ELAVL4: variants seen among roughly 807,000 people sequenced by gnomAD.
ELAVL4 encodes ELAV like RNA binding protein 4, also known as ELAV-like protein 4.
A neutral mutation model predicts 35.6 loss-of-function variants in ELAVL4; 1 was observed. The observed-to-expected ratio is 0.03, with a 90% confidence interval of 0.01 to 0.13. The LOEUF (loss-of-function observed/expected upper bound fraction) is 0.13. Among genes scored for constraint, ELAVL4 ranks in the 10% least tolerant of loss-of-function variants. The pLI, the probability that ELAVL4 is intolerant of heterozygous loss-of-function variation, is 1.00. For missense variants in ELAVL4, 267 were observed against 464.9 expected (o/e 0.57, Z 3.91); for synonymous variants, 156 against 171.0 (o/e 0.91, Z 0.69).
At chr1:50,190,315 A>T (rs75455984) in intron 3 of ELAVL4, among the ~76,000 whole-genome samples, 2 of 152,220 alleles carry the variant, frequency 1.3e-5, no homozygotes, top group East Asian at 3.9e-4. Flanking sequence ...AATTTTTTGG[A>T]AATCTTTCAG....
intron 2 of ELAVL4, among the ~76,000 whole-genome samples, chr1:50,156,899 T>C (rs1675862871): frequency 6.6e-6 from 1 of 152,198 alleles, no homozygotes; most frequent in Admixed American, 6.5e-5. Flanking sequence ...GCAGAAATAA[T>C]GAACACCAAT....
At chr1:50,167,017 T>C (rs1298268984) in intron 2 of ELAVL4, among the ~76,000 whole-genome samples, 1 of 152,190 alleles carries the variant, frequency 6.6e-6, no homozygotes, top group Non-Finnish European at 1.5e-5. Flanking sequence ...AGTGGATCAC[T>C]AGAGGTGATG....
At chr1:50,111,542 C>T (rs1439319916) in intron 1 of ELAVL4, among the ~76,000 whole-genome samples, 4 of 151,988 alleles carry the variant, frequency 2.6e-5, no homozygotes, top group Non-Finnish European at 4.4e-5. Context: ...ATTCATTGTA[C>T]CTCTCATTTT....
chr1:50,057,302 G>A (rs1663730010), intron 1 of ELAVL4, among the ~76,000 whole-genome samples: 1 of 152,088 alleles, frequency 6.6e-6, no homozygotes, highest in African/African-American at 2.4e-5. Flanking sequence ...GTTATTATAA[G>A]AGTCTAAAAG....
At position 50,109,165 on chromosome 1, in the gene ELAVL4, C is replaced by T. The variant is rs1392462125; in HGVS notation, c.-25C>T. Reference sequence around the variant, plus strand: ...TTTTAACAGAAGAGTCGAAGCTCTGCGAGACCCAATATTTGCCAATAAGAA... The same window carrying T: ...TTTTAACAGAAGAGTCGAAGCTCTGTGAGACCCAATATTTGCCAATAAGAA... On this transcript the variant is annotated 5_prime_UTR_variant, in exon 1 of 7. Coordinates refer to ENST00000371824, the MANE Select transcript of ELAVL4 (RefSeq NM_001144774.3). 7 of 1,609,884 alleles carry T rather than the reference C, an allele frequency of 4.3e-6. No individual in the cohort carries two copies. The highest frequency in any genetic ancestry group is 4.5e-5 in the East Asian group (2 of 44,776).
At chr1:50,168,686 G>A (rs1030047287) in intron 2 of ELAVL4, among the ~76,000 whole-genome samples, 16 of 152,126 alleles carry the variant, frequency 1.1e-4, no homozygotes, top group African/African-American at 3.4e-4. Context: ...ACTCACGAGC[G>A]GTGAATCAGG....
intron 2 of ELAVL4, among the ~76,000 whole-genome samples, chr1:50,168,309 T>C (rs2148793907): frequency 6.6e-6 from 1 of 152,232 alleles, no homozygotes; most frequent in South Asian, 2.1e-4. Context: ...CTCCCACACA[T>C]CCCCATTCCA....
intron 1 of ELAVL4, among the ~76,000 whole-genome samples, chr1:50,063,727 A>G (rs1664120445): frequency 6.6e-6 from 1 of 152,098 alleles, no homozygotes; most frequent in East Asian, 1.9e-4. Context: ...GTCCCATAGC[A>G]TTGTGACATG....
At chr1:50,171,325 G>T (rs1313943468) in intron 2 of ELAVL4, among the ~76,000 whole-genome samples, 2 of 152,102 alleles carry the variant, frequency 1.3e-5, no homozygotes, top group Non-Finnish European at 2.9e-5. Context: ...CTTAAACTTG[G>T]GCCAGTCCCT....
At chr1:50,153,984 G>GTGAGA (rs1244943522) in intron 2 of ELAVL4, among the ~76,000 whole-genome samples, 3 of 152,220 alleles carry the variant, frequency 2.0e-5, no homozygotes, top group Non-Finnish European at 4.4e-5. Context: ...CTCCAGAACT[G>GTGAGA]TGAGAAAATA....
intron 2 of ELAVL4, among the ~76,000 whole-genome samples, chr1:50,156,997 G>A (rs1017956709): frequency 1.1e-4 from 16 of 152,234 alleles, no homozygotes; most frequent in Middle Eastern, 3.4e-3. Context: ...CTGATACACC[G>A]TCATAAATTG....
intron 1 of ELAVL4, among the ~76,000 whole-genome samples, chr1:50,070,586 CA>C (rs1460333648): frequency 2.0e-5 from 3 of 148,834 alleles, no homozygotes; most frequent in African/African-American, 2.5e-5. Flanking sequence ...ACTAAAAATA[CA>C]AAAAATTAGC....
intron 1 of ELAVL4, among the ~76,000 whole-genome samples, chr1:50,125,808 C>T (rs551881878): frequency 1.3e-5 from 2 of 152,148 alleles, no homozygotes; most frequent in South Asian, 2.1e-4. Flanking sequence ...TCATAGGATT[C>T]TACCTTTCCA....
chr1:50,109,178 T>A lies in ELAVL4; in HGVS notation c.-12T>A. The A allele has an allele frequency of 6.2e-7, 1 of 1,611,836 alleles. No individual in the cohort carries two copies. Among genetic ancestry groups the A allele is most frequent in the Non-Finnish European group, 8.5e-7 (1 of 1,179,016 alleles). On this transcript the variant is annotated 5_prime_UTR_variant, in exon 1 of 7. It adds an upstream start codon to the 5' untranslated region. Transcript: ENST00000371824. ...GTCGAAGCTCTGCGAGACCCAATATTTGCCAATAAGAATGGTTATGGTAGG... is the reference window on the plus strand; with the variant it reads ...GTCGAAGCTCTGCGAGACCCAATATATGCCAATAAGAATGGTTATGGTAGG...
intron 1 of ELAVL4, among the ~76,000 whole-genome samples, chr1:50,112,058 CT>C (rs1207585438): frequency 6.6e-6 from 1 of 152,046 alleles, no homozygotes; most frequent in Non-Finnish European, 1.5e-5. Flanking sequence ...AATTTTTGCT[CT>C]CTTCATTGCA....
At chr1:50,136,578 C>G (rs1434411814) in intron 1 of ELAVL4, among the ~76,000 whole-genome samples, 1 of 152,086 alleles carries the variant, frequency 6.6e-6, no homozygotes, top group South Asian at 2.1e-4. Context: ...AAAGAAAACA[C>G]CTTTACATAC....
At chr1:50,142,703 G>A (rs1468686325) in intron 1 of ELAVL4, among the ~76,000 whole-genome samples, 1 of 152,154 alleles carries the variant, frequency 6.6e-6, no homozygotes, top group Non-Finnish European at 1.5e-5. Flanking sequence ...TTGAAATACT[G>A]TTGGCAGTAT....
chr1:50,178,786 T>C (rs932372244), intron 3 of ELAVL4, among the ~76,000 whole-genome samples: 17 of 152,196 alleles, frequency 1.1e-4, no homozygotes, highest in African/African-American at 4.1e-4. Flanking sequence ...GAGAGCTGTA[T>C]TTGTAGGTTT....
intron 3 of ELAVL4, among the ~76,000 whole-genome samples, chr1:50,183,686 G>A (rs1681400174): frequency 6.6e-6 from 1 of 152,094 alleles, no homozygotes; most frequent in Non-Finnish European, 1.5e-5. Flanking sequence ...TCTTGCCAGG[G>A]GTCGTCAGGG....
Sources: allele counts gnomAD v4.1 joint callset (sites outside exome capture counted in the v4.1 genomes callset), GRCh38; gene constraint gnomAD v4.1.1; transcripts MANE v1.5; gene names NCBI Gene and HGNC (gene_info 2026-07-23, HGNC 2026-07-21).